Variants in GRXCR1 observed in about 807,000 individuals in gnomAD.
The protein encoded by GRXCR1 is glutaredoxin domain-containing cysteine-rich protein 1.
GRXCR1 carries 27 observed loss-of-function variants against 27.3 expected under a neutral mutation model. That is an observed-to-expected ratio of 0.99 (90% CI 0.73 to 1.37). The LOEUF (loss-of-function observed/expected upper bound fraction) is 1.37. Among genes scored for constraint, GRXCR1 ranks in the 40% most tolerant of loss-of-function variants. The probability of loss-of-function intolerance (pLI) is 0.00; values close to 1 mark genes in which losing one functional copy is unlikely to be tolerated. For missense variants in GRXCR1, 379 were observed against 354.4 expected (o/e 1.07, Z -0.56); for synonymous variants, 122 against 131.1 (o/e 0.93, Z 0.47).
intron 1 of GRXCR1, among the ~76,000 whole-genome samples, chr4:42,953,426 G>T (rs911490963): frequency 6.6e-6 from 1 of 152,140 alleles, no homozygotes; most frequent in African/African-American, 2.4e-5. Context: ...AAGGCTATGA[G>T]TAGGTGTTCT....
intron 1 of GRXCR1, among the ~76,000 whole-genome samples, chr4:42,954,658 T>C (rs1747957718): frequency 6.6e-6 from 1 of 152,164 alleles, no homozygotes; most frequent in Non-Finnish European, 1.5e-5. Flanking sequence ...GATAAATAAT[T>C]ATTTTTTATA....
chr4:43,029,061 A>G (rs917130878), intron 3 of GRXCR1, among the ~76,000 whole-genome samples: 16 of 152,226 alleles, frequency 1.1e-4, no homozygotes, highest in Non-Finnish European at 1.8e-4. Context: ...AAATATCAAT[A>G]TTAGATTGAT....
At chr4:42,904,056 C>A (rs1746529658) in intron 1 of GRXCR1, among the ~76,000 whole-genome samples, 2 of 152,316 alleles carry the variant, frequency 1.3e-5, no homozygotes, top group South Asian at 2.1e-4. Context: ...TAGGAATGGA[C>A]AGGGAGTTCT....
chr4:42,902,839 A>C (rs531068298), intron 1 of GRXCR1, among the ~76,000 whole-genome samples: 21 of 152,300 alleles, frequency 1.4e-4, no homozygotes, highest in African/African-American at 5.1e-4. Flanking sequence ...CCTGAACTTA[A>C]AATAAAAGTT....
chr4:42,942,736 T>C (rs1413766219), intron 1 of GRXCR1, among the ~76,000 whole-genome samples: 1 of 152,136 alleles, frequency 6.6e-6, no homozygotes, highest in African/African-American at 2.4e-5. Flanking sequence ...GACCACATTT[T>C]GTAAAAGCAT....
chr4:42,987,210 AT>A (rs1283459049), intron 2 of GRXCR1, among the ~76,000 whole-genome samples: 8 of 42,342 alleles, frequency 1.9e-4, no homozygotes, highest in South Asian at 7.1e-4. Context: ...TCATATATAT[AT>A]TATATATATA....
At chr4:42,907,439 T>C (rs1243127237) in intron 1 of GRXCR1, among the ~76,000 whole-genome samples, 2 of 152,180 alleles carry the variant, frequency 1.3e-5, no homozygotes, top group Non-Finnish European at 2.9e-5. Flanking sequence ...TCTTCCACTA[T>C]CCATTTTAGA....
In GRXCR1 at chr4:42,987,261, AAT is replaced by A. The variant is rs1279529979; in HGVS notation, c.627+24143_627+24144del. Among the ~76,000 whole-genome samples, 332 of 97,186 alleles carry A rather than the reference AAT, an allele frequency of 3.4e-3. 1 individual carries two copies. Among genetic ancestry groups the A allele is most frequent in the African/African-American group, 7.3e-3 (199 of 27,318 alleles). 63.8% of individuals were successfully genotyped at this position (97,186 alleles called of 152,430 possible). A position where few individuals can be genotyped will look rare whatever the true frequency, so the allele number is the denominator to read the frequency against. On this transcript the variant is annotated intron_variant, in intron 2 of 3. Transcript: ENST00000399770. ...TATATAATATATAATATATATATAT[AAT>A]ATATATATATATATAGAGAGAGAGA...
chr4:43,004,462 T>C (rs570300513), intron 2 of GRXCR1, among the ~76,000 whole-genome samples: 2 of 152,208 alleles, frequency 1.3e-5, no homozygotes, highest in East Asian at 3.9e-4. Flanking sequence ...CTCAAAATGG[T>C]AGATCCACTG....
chr4:42,937,533 T>C (rs1362213180), intron 1 of GRXCR1, among the ~76,000 whole-genome samples: 1 of 151,918 alleles, frequency 6.6e-6, no homozygotes, highest in Non-Finnish European at 1.5e-5. Flanking sequence ...CTATCCTGTG[T>C]ATTTCCACAT....
chr4:42,971,037 T>C (rs1396260276), intron 2 of GRXCR1, among the ~76,000 whole-genome samples: 1 of 152,116 alleles, frequency 6.6e-6, no homozygotes, highest in African/African-American at 2.4e-5. Flanking sequence ...AAATCATCAA[T>C]TTCTAGTTAA....
rs911139984 is a variant in GRXCR1, at chr4:42,932,251, C to T, written c.385-30641C>T. Among the ~76,000 whole-genome samples, 38 of 151,836 alleles carry T rather than the reference C, an allele frequency of 2.5e-4. 1 individual carries two copies. ...TGCCCTCCTCTTGATGTATGCATTA[C>T]AGTCCTCCTGCCAGGCCTGTGCGGA... On this transcript the variant is annotated intron_variant, in intron 1 of 3. Coordinates refer to ENST00000399770, the MANE Select transcript of GRXCR1 (RefSeq NM_001080476.3).
At chr4:43,010,613 A>C (rs1436477) in intron 2 of GRXCR1, among the ~76,000 whole-genome samples, 35,624 of 151,950 alleles carry the variant, frequency 0.23, 4,454 homozygotes, top group Admixed American at 0.29. Flanking sequence ...GTGGGGATGG[A>C]GGTAATTACT....
chr4:43,024,548 G>T (rs1157225227), intron 3 of GRXCR1, among the ~76,000 whole-genome samples: 1 of 152,116 alleles, frequency 6.6e-6, no homozygotes, highest in Admixed American at 6.5e-5. Flanking sequence ...GTAGGTTTAT[G>T]GCAGTTCATC....
At chr4:42,903,157 AG>A (rs2109739539) in intron 1 of GRXCR1, among the ~76,000 whole-genome samples, 1 of 127,906 alleles carries the variant, frequency 7.8e-6, no homozygotes, top group East Asian at 4.4e-4. Context: ...CTGGCTTTAT[AG>A]TACAGTTTTA....
chr4:42,979,672 G>A (rs561408568), intron 2 of GRXCR1, among the ~76,000 whole-genome samples: 1 of 152,072 alleles, frequency 6.6e-6, no homozygotes, highest in African/African-American at 2.4e-5. Flanking sequence ...TGCCTAAAAT[G>A]AGTTTGAAAG....
At chr4:43,027,809 T>A (rs947714915) in intron 3 of GRXCR1, among the ~76,000 whole-genome samples, 2 of 152,258 alleles carry the variant, frequency 1.3e-5, no homozygotes, top group African/African-American at 2.4e-5. Flanking sequence ...TTGTACTCAT[T>A]AAGATATTGA....
At chr4:42,905,625 A>G (rs992362495) in intron 1 of GRXCR1, among the ~76,000 whole-genome samples, 2 of 152,166 alleles carry the variant, frequency 1.3e-5, no homozygotes, top group African/African-American at 4.8e-5. Context: ...ATGTCCTCTC[A>G]TGGATTCAAA....
intron 1 of GRXCR1, among the ~76,000 whole-genome samples, chr4:42,920,552 G>A (rs1030234130): frequency 9.9e-5 from 15 of 152,218 alleles, no homozygotes; most frequent in Middle Eastern, 3.4e-3. Context: ...ATGTGTTGAC[G>A]TGGTTTGTAC....
Sources: gnomAD v4.1 joint callset for allele counts (sites outside exome capture counted in the v4.1 genomes callset) on GRCh38, gnomAD v4.1.1 for gene constraint, MANE v1.5 for transcripts, NCBI Gene and HGNC (gene_info 2026-07-23, HGNC 2026-07-21) for gene names.